Variants in SSBP2 observed in about 807,000 individuals in gnomAD.
SSBP2 encodes single-stranded DNA-binding protein 2.
Under a neutral mutation model 61.8 loss-of-function variants are expected in SSBP2, and 17 were observed. The ratio of observed to expected loss-of-function variants is 0.28; its 90% confidence interval spans 0.19 to 0.41. The LOEUF is 0.41. Among genes scored for constraint, SSBP2 ranks in the 10% least tolerant of loss-of-function variants. SSBP2 has a pLI of 1.00. For synonymous variants in SSBP2, 139 were observed against 141.3 expected (o/e 0.98, Z 0.12); for missense variants, 310 against 458.7 (o/e 0.68, Z 2.96).
chr5:81,697,648 T>C (rs1753688743), intron 1 of SSBP2, among the ~76,000 whole-genome samples: 1 of 152,212 alleles, frequency 6.6e-6, no homozygotes, highest in Non-Finnish European at 1.5e-5. Flanking sequence ...TTTCTAGAAC[T>C]ACTTAGGACA....
At chr5:81,741,387 A>C (rs1245433948) in intron 1 of SSBP2, among the ~76,000 whole-genome samples, 1 of 152,180 alleles carries the variant, frequency 6.6e-6, no homozygotes, top group Non-Finnish European at 1.5e-5. Context: ...GGAAACATGA[A>C]AAAGTTCTAG....
intron 1 of SSBP2, among the ~76,000 whole-genome samples, chr5:81,741,215 A>G (rs1259202203): frequency 6.6e-6 from 1 of 152,234 alleles, no homozygotes; most frequent in Non-Finnish European, 1.5e-5. Flanking sequence ...TAAGCTATCA[A>G]AAGTAGCCAG....
At chr5:81,576,063 G>A (rs763074263) in intron 4 of SSBP2, among the ~76,000 whole-genome samples, 11 of 152,234 alleles carry the variant, frequency 7.2e-5, no homozygotes, top group East Asian at 1.9e-4. Context: ...GGGGTCCAGC[G>A]ATATTATCAT....
At chr5:81,583,640 A>C (rs1311642125) in intron 4 of SSBP2, among the ~76,000 whole-genome samples, 1 of 151,920 alleles carries the variant, frequency 6.6e-6, no homozygotes, top group Non-Finnish European at 1.5e-5. Context: ...AAAAAAAAAA[A>C]AAAAAAAAGT....
rs796636762 is a variant in SSBP2 at position 81,654,137 on chromosome 5, A to AT, written c.63-3799dup. On this transcript the variant is annotated intron_variant, in intron 1 of 16. Transcript: ENST00000320672. ...CACCACCACATCTGACTAATTTTTA[A>AT]TTTTTTTGGTAAAGACAGGGTCTTG... Among the ~76,000 whole-genome samples the AT allele has an allele frequency of 3.3e-5, 5 of 151,592 alleles. No individual in the cohort carries two copies. The South Asian group carries it at 6.3e-4, about 19-fold the overall frequency.
At chr5:81,545,813 T>C (rs753450143) in intron 4 of SSBP2, among the ~76,000 whole-genome samples, 15 of 152,202 alleles carry the variant, frequency 9.9e-5, no homozygotes, top group Non-Finnish European at 2.1e-4. Context: ...GTTACCAAAG[T>C]GGCATGAAGA....
chr5:81,696,278 A>G (rs1038288688), intron 1 of SSBP2, among the ~76,000 whole-genome samples: 1 of 152,158 alleles, frequency 6.6e-6, no homozygotes, highest in African/African-American at 2.4e-5. Flanking sequence ...GAGCTTTTAT[A>G]TATACCTGTC....
chr5:81,426,756 C>G (rs1002126608), intron 16 of SSBP2, among the ~76,000 whole-genome samples: 2 of 152,178 alleles, frequency 1.3e-5, no homozygotes, highest in African/African-American at 4.8e-5. Flanking sequence ...TACCCCTCTT[C>G]CAACTGTTAA....
intron 10 of SSBP2, among the ~76,000 whole-genome samples, chr5:81,456,844 T>C (rs1183665557): frequency 6.6e-6 from 1 of 152,158 alleles, no homozygotes; most frequent in Admixed American, 6.5e-5. Context: ...AGGCAATAAA[T>C]ACATATATTA....
chr5:81,543,720 A>G (rs1366965068), intron 4 of SSBP2, among the ~76,000 whole-genome samples: 2 of 152,216 alleles, frequency 1.3e-5, no homozygotes, highest in Non-Finnish European at 2.9e-5. Context: ...AGCTTCAACT[A>G]TACATGCTAT....
At chr5:81,522,769 C>T (rs867359354) in intron 4 of SSBP2, among the ~76,000 whole-genome samples, 1 of 152,046 alleles carries the variant, frequency 6.6e-6, no homozygotes, top group South Asian at 2.1e-4. Context: ...CCTGGGCCAC[C>T]TCACTTAGTC....
At chr5:81,555,604 T>C (rs1322568510) in intron 4 of SSBP2, among the ~76,000 whole-genome samples, 1 of 152,074 alleles carries the variant, frequency 6.6e-6, no homozygotes, top group Non-Finnish European at 1.5e-5. Context: ...GTCACCCTGG[T>C]CTACTAGTAG....
At chr5:81,456,974 T>C (rs1764207326) in intron 10 of SSBP2, among the ~76,000 whole-genome samples, 1 of 152,210 alleles carries the variant, frequency 6.6e-6, no homozygotes, top group Non-Finnish European at 1.5e-5. Flanking sequence ...TGCACTCATG[T>C]TTTTAATACA....
intron 1 of SSBP2, among the ~76,000 whole-genome samples, chr5:81,672,906 TC>T (rs1327735905): frequency 6.8e-6 from 1 of 146,876 alleles, no homozygotes; most frequent in Non-Finnish European, 1.5e-5. Flanking sequence ...TCTCGTGCTA[TC>T]CCTCAGGCAA....
rs775190024 is a variant in SSBP2 at position 81,414,334 on chromosome 5, A to C, written c.*6170T>G. On this transcript the variant is annotated 3_prime_UTR_variant, in exon 17 of 17. Transcript: ENST00000320672. ...ATTCACATTAAAATATCTTACAGAA[A>C]TCATTATTCTTCTATTCAAGAAAAC... 4 of 152,176 alleles carry C rather than the reference A, an allele frequency of 2.6e-5. No homozygotes were observed. Among genetic ancestry groups the C allele is most frequent in the Non-Finnish European group, 5.9e-5 (4 of 68,012 alleles). 9.4% of individuals were successfully genotyped at this position (152,176 alleles called of 1,614,324 possible). A position where few individuals can be genotyped will look rare whatever the true frequency, so the allele number is the denominator to read the frequency against.
intron 6 of SSBP2, among the ~76,000 whole-genome samples, chr5:81,479,291 CTTTT>C (rs200337744): frequency 6.6e-6 from 1 of 151,644 alleles, no homozygotes; most frequent in Non-Finnish European, 1.5e-5. Flanking sequence ...ATGCATTGTT[CTTTT>C]TTTTGTTTTT....
chr5:81,599,936 G>C (rs539395437), intron 4 of SSBP2, among the ~76,000 whole-genome samples: 24 of 152,208 alleles, frequency 1.6e-4, no homozygotes, highest in African/African-American at 2.2e-4. Flanking sequence ...TTTTATGTTA[G>C]GGCACATTTT....
intron 3 of SSBP2, among the ~76,000 whole-genome samples, chr5:81,631,025 G>A (rs1368916382): frequency 6.6e-6 from 1 of 152,158 alleles, no homozygotes; most frequent in Non-Finnish European, 1.5e-5. Flanking sequence ...GTCAACAGGT[G>A]AGGACACTCA....
intron 1 of SSBP2, among the ~76,000 whole-genome samples, chr5:81,687,649 T>C (rs918099518): frequency 6.6e-6 from 1 of 152,116 alleles, no homozygotes; most frequent in African/African-American, 2.4e-5. Flanking sequence ...TTTTGCAACT[T>C]GAAAACCAGC....
Sources: gnomAD v4.1 joint callset for allele counts (sites outside exome capture counted in the v4.1 genomes callset) on GRCh38, gnomAD v4.1.1 for gene constraint, MANE v1.5 for transcripts, NCBI Gene and HGNC (gene_info 2026-07-23, HGNC 2026-07-21) for gene names.